ACTR3: variants seen among roughly 807,000 people sequenced by gnomAD.
The protein encoded by ACTR3 is actin-related protein 3.
A neutral mutation model predicts 56.8 loss-of-function variants in ACTR3; 12 were observed. The observed-to-expected ratio is 0.21, with a 90% CI of 0.14 to 0.34. The LOEUF is 0.34. ACTR3 is among the 10% of genes least tolerant of loss of function. ACTR3 has a pLI of 1.00. For synonymous variants in ACTR3, 162 were observed against 167.4 expected (o/e 0.97, Z 0.25); for missense variants, 282 against 512.5 (o/e 0.55, Z 4.34).
intron 2 of ACTR3, among the ~76,000 whole-genome samples, chr2:113,913,909 A>G (rs1040485834): frequency 2.0e-5 from 3 of 152,188 alleles, no homozygotes; most frequent in Admixed American, 1.3e-4. Flanking sequence ...TTTGACTTGC[A>G]AACAGTTCAC....
chr2:113,894,590 C>T (rs1678969995), intron 1 of ACTR3, among the ~76,000 whole-genome samples: 1 of 150,976 alleles, frequency 6.6e-6, no homozygotes, highest in Non-Finnish European at 1.5e-5. Context: ...TCCTTTCCTG[C>T]CTGCCAATTT....
chr2:113,955,344 A>T (rs933787347), intron 10 of ACTR3: 1 of 240,566 alleles, frequency 4.2e-6, no homozygotes, highest in African/African-American at 2.2e-5. Context: ...TTTAGTATGT[A>T]AAACACTAAC....
At chr2:113,919,503 A>G (rs900630598) in intron 3 of ACTR3, among the ~76,000 whole-genome samples, 1 of 152,172 alleles carries the variant, frequency 6.6e-6, no homozygotes, top group East Asian at 1.9e-4. Flanking sequence ...CCTACTTCCT[A>G]TATTTACTTT....
At chr2:113,948,143 T>G (rs958462169) in intron 8 of ACTR3, among the ~76,000 whole-genome samples, 5 of 152,028 alleles carry the variant, frequency 3.3e-5, no homozygotes, top group African/African-American at 1.2e-4. Flanking sequence ...CAACTTCAAA[T>G]TTTTTTTCAG....
chr2:113,914,228 T>C (rs988749019), intron 2 of ACTR3, among the ~76,000 whole-genome samples: 5 of 152,178 alleles, frequency 3.3e-5, no homozygotes, highest in Admixed American at 6.5e-5. Context: ...ACTGGATCTT[T>C]AGTATCACTT....
At chr2:113,933,079 G>A (rs34803179) in intron 5 of ACTR3, among the ~76,000 whole-genome samples, 10,730 of 152,208 alleles carry the variant, frequency 0.07, 487 homozygotes, top group East Asian at 0.18. Flanking sequence ...AAAGAATTGT[G>A]TTGTATTGTC....
intron 1 of ACTR3, among the ~76,000 whole-genome samples, chr2:113,902,735 A>T (rs1305537641): frequency 6.6e-6 from 1 of 151,816 alleles, no homozygotes; most frequent in Non-Finnish European, 1.5e-5. Flanking sequence ...GAGTAGCTGA[A>T]ATTACAGGTG....
At position 113,890,520 on chromosome 2, in the gene ACTR3, G is replaced by A. The variant is rs1678866986; in HGVS notation, c.44+197G>A. ...CTCGTTTCTCCCTCCTGGGACTGGG[G>A]CGGGGGCGCGGGCCCGAGATTCAAC... is the stretch of plus-strand genomic sequence containing the variant. On this transcript the variant is annotated intron_variant, in intron 1 of 11. Coordinates refer to ENST00000263238, the MANE Select transcript of ACTR3 (RefSeq NM_005721.5). The A allele has an allele frequency of 7.4e-6, 10 of 1,351,248 alleles. No homozygotes were observed. In the South Asian group the frequency reaches 9.4e-5, roughly 13 times the overall value. The allele number at this position is 1,351,248 out of a possible 1,614,324, so 83.7% of individuals were successfully genotyped here.
chr2:113,951,678 CT>C (rs1363626012), intron 9 of ACTR3, 41 bp from the exon 10 acceptor site: 33 of 1,490,136 alleles, frequency 2.2e-5, no homozygotes, highest in Non-Finnish European at 2.9e-5. Flanking sequence ...TATCTTTAAA[CT>C]TTTCTCTTTT....
intron 6 of ACTR3, 94 bp from the exon 7 acceptor site, chr2:113,939,865 C>A: frequency 8.7e-7 from 1 of 1,148,694 alleles, no homozygotes; most frequent in Non-Finnish European, 1.2e-6. Flanking sequence ...AATACACTAA[C>A]TTAATAAATT....
intron 6 of ACTR3, among the ~76,000 whole-genome samples, chr2:113,934,891 T>A (rs991368964): frequency 1.3e-5 from 2 of 152,198 alleles, no homozygotes; most frequent in African/African-American, 4.8e-5. Flanking sequence ...CATCAAGTTT[T>A]AAAAAAATTA....
At chr2:113,939,269 G>A (rs1462927597) in intron 6 of ACTR3, among the ~76,000 whole-genome samples, 4 of 151,666 alleles carry the variant, frequency 2.6e-5, no homozygotes, top group Admixed American at 6.6e-5. Context: ...TGATCCGCCC[G>A]TCTCGGCCTC....
rs918174416 is a variant in ACTR3, at chr2:113,958,817, C to G, written c.*1362C>G. 4 of 151,824 alleles carry G rather than the reference C, an allele frequency of 2.6e-5. No individual in the cohort carries two copies. Among genetic ancestry groups the G allele is most frequent in the Non-Finnish European group, 1.5e-5 (1 of 67,870 alleles). 9.4% of individuals were successfully genotyped at this position (151,824 alleles called of 1,614,324 possible). ...CAGTGAACACTTGAACTCCATTATT[C>G]ATGAAAATAACACGTTAGGATTGGA... On this transcript the variant is annotated 3_prime_UTR_variant, in exon 12 of 12. Coordinates refer to ENST00000263238, the MANE Select transcript of ACTR3 (RefSeq NM_005721.5).
At chr2:113,933,650 T>TAA (rs1679764699) in intron 5 of ACTR3, among the ~76,000 whole-genome samples, 1 of 151,728 alleles carries the variant, frequency 6.6e-6, no homozygotes, top group African/African-American at 2.4e-5. Flanking sequence ...GGACATAGTT[T>TAA]AAGTTCTGGC....
At chr2:113,932,358 T>G (rs1325839147) in intron 5 of ACTR3, among the ~76,000 whole-genome samples, 1 of 152,204 alleles carries the variant, frequency 6.6e-6, no homozygotes, top group Non-Finnish European at 1.5e-5. Flanking sequence ...AATGAGGAGT[T>G]GGGAAAATTC....
chr2:113,895,065 C>T (rs1051702122), intron 1 of ACTR3, among the ~76,000 whole-genome samples: 1 of 102,590 alleles, frequency 9.7e-6, no homozygotes, highest in Non-Finnish European at 1.8e-5. Context: ...AGGTTCCCCC[C>T]CCCCACCCCC....
intron 3 of ACTR3, among the ~76,000 whole-genome samples, chr2:113,923,343 TTTGTTTG>T (rs368352324): frequency 0.45 from 68,314 of 150,830 alleles, 19,213 homozygotes; most frequent in Middle Eastern, 0.66. Flanking sequence ...TGTTTGTTTG[TTTGTTTG>T]TTTTTGAGAC....
At chr2:113,942,471 T>G in intron 8 of ACTR3, 112 bp downstream of exon 8, 1 of 716,174 alleles carries the variant, frequency 1.4e-6, no homozygotes, top group Non-Finnish European at 2.0e-6. Flanking sequence ...AAAGTTTGAG[T>G]TTTTATGAAA....
intron 5 of ACTR3, chr2:113,934,073 C>T: frequency 5.9e-6 from 3 of 509,582 alleles, no homozygotes; most frequent in Non-Finnish European, 1.0e-5. Flanking sequence ...AAATGTAAAC[C>T]TCTAAGTTTG....
Sources: gnomAD v4.1 joint callset for allele counts (sites outside exome capture counted in the v4.1 genomes callset) on GRCh38, gnomAD v4.1.1 for gene constraint, MANE v1.5 for transcripts, NCBI Gene and HGNC (gene_info 2026-07-23, HGNC 2026-07-21) for gene names.